The following KATNAL2 variants were observed in gnomAD, a reference collection of about 807,000 sequenced individuals.
The protein encoded by KATNAL2 is katanin catalytic subunit A1 like 2, also known as katanin p60 ATPase-containing subunit A-like 2.
A neutral mutation model predicts 76.3 loss-of-function variants in KATNAL2; 52 were observed. That is an observed-to-expected ratio of 0.68 (90% CI 0.55 to 0.86). KATNAL2 has a LOEUF of 0.86. Among genes scored for constraint, KATNAL2 ranks in the 40% least tolerant of loss-of-function variants. The pLI is 0.00. For missense variants in KATNAL2, 660 were observed against 668.9 expected, an observed-to-expected ratio of 0.99 and a Z score of 0.15; for synonymous variants, 243 against 244.2, an observed-to-expected ratio of 1.00 and a Z score of 0.05.
At chr18:47,081,688 G>C (rs966036245) in intron 15 of KATNAL2, among the ~76,000 whole-genome samples, 1 of 152,154 alleles carries the variant, frequency 6.6e-6, no homozygotes, top group African/African-American at 2.4e-5. Flanking sequence ...CTTCAAGTTG[G>C]GGGTTCTGTT....
In KATNAL2 at chr18:47,099,231, GT is replaced by G. The variant is rs2063372830; in HGVS notation, c.1212-11del. ...GCAGCCCTGTCCAGCTCCATTTCTG[GT>G]GTGATTTCAGGGAGCTGGACTGTGC... On this transcript the variant is annotated splice_polypyrimidine_tract_variant and intron_variant, in intron 15 of 17. Coordinates refer to ENST00000683218, the MANE Select transcript of KATNAL2 (RefSeq NM_001387690.1). 1.2e-6 allele frequency: 2 copies of G among 1,601,790 alleles called. No individual in the cohort carries two copies. Among genetic ancestry groups the G allele is most frequent in the Non-Finnish European group, 1.7e-6 (2 of 1,172,656 alleles).
At chr18:47,070,048 G>A (rs2061940930) in intron 13 of KATNAL2, among the ~76,000 whole-genome samples, 1 of 151,046 alleles carries the variant, frequency 6.6e-6, no homozygotes, top group African/African-American at 2.4e-5. Flanking sequence ...CAGATGTTCT[G>A]AGCACCTTTG....
rs35852657 is a variant in KATNAL2 at position 47,087,752 on chromosome 18, C to CTGTGTG, written c.1211+10317_1211+10322dup. On this transcript the variant is annotated intron_variant, in intron 15 of 17. Coordinates refer to ENST00000683218, the MANE Select transcript of KATNAL2 (RefSeq NM_001387690.1). The stretch of plus-strand genomic sequence containing the variant: ...TAAGTCTCTCCAAACTCTTTTACAT[C>CTGTGTG]TGTGTGTGTGTGTGTGTGTGTGTGT... Among the ~76,000 whole-genome samples, 1,161 of 148,540 alleles carry CTGTGTG rather than the reference C, an allele frequency of 7.8e-3. 7 individuals carry two copies. Among genetic ancestry groups the CTGTGTG allele is most frequent in the African/African-American group, 0.02 (808 of 40,480 alleles).
At chr18:47,094,275 C>CA (rs1568024955) in intron 15 of KATNAL2, among the ~76,000 whole-genome samples, 1 of 152,134 alleles carries the variant, frequency 6.6e-6, no homozygotes, top group South Asian at 2.1e-4. Flanking sequence ...TCCAAAATGA[C>CA]AATTATGAAA....
chr18:47,033,263 C>T (rs1455365305), intron 3 of KATNAL2: 2 of 1,613,550 alleles, frequency 1.2e-6, no homozygotes, highest in South Asian at 1.1e-5. Context: ...TCCCCATTTT[C>T]GGGGTCAGCG....
rs370318400 is a variant in KATNAL2 at position 47,058,245 on chromosome 18, G to A, written c.343G>A (p.Asp115Asn). The part of the protein sequence containing the change: ...SRGKTRRMMN[D>N]SCQNLPKINQ... ...TGTTCCCTCCCTTAGGATGATGAAC[G>A]ACAGTTGTCAAAATCTTCCCAAGAT... Residue 115 changes from aspartate (D) to asparagine (N), a missense_variant, in exon 7 of 18, where the codon GAC (aspartate) becomes AAC (asparagine). Coordinates refer to ENST00000683218, the MANE Select transcript of KATNAL2 (RefSeq NM_001387690.1). 1.3e-5 allele frequency: 21 copies of A among 1,612,318 alleles called. No individual in the cohort carries two copies. Among genetic ancestry groups the A allele is most frequent in the African/African-American group, 8.0e-5 (6 of 74,864 alleles).
chr18:47,037,252 T>A (rs2060810626), intron 3 of KATNAL2, among the ~76,000 whole-genome samples: 2 of 152,222 alleles, frequency 1.3e-5, no homozygotes, highest in Non-Finnish European at 2.9e-5. Context: ...CTGGGAATGA[T>A]ATTCAATGCT....
intron 3 of KATNAL2, chr18:47,035,069 C>T: frequency 1.9e-6 from 3 of 1,610,588 alleles, no homozygotes; most frequent in Non-Finnish European, 2.5e-6. Flanking sequence ...AAGTCTCTGG[C>T]AAAGTCGCCC....
At chr18:47,094,989 G>T (rs1033864664) in intron 15 of KATNAL2, among the ~76,000 whole-genome samples, 1 of 152,124 alleles carries the variant, frequency 6.6e-6, no homozygotes, top group African/African-American at 2.4e-5. Flanking sequence ...GGTAGAAGAA[G>T]ATACTGCCAA....
At chr18:47,033,330 T>C in intron 3 of KATNAL2, 1 of 1,613,868 alleles carries the variant, frequency 6.2e-7, no homozygotes, top group Non-Finnish European at 8.5e-7. Context: ...TGGCCACAGA[T>C]TTGAAACAGA....
chr18:47,074,098 C>T (rs375975428), intron 13 of KATNAL2, among the ~76,000 whole-genome samples: 17 of 152,112 alleles, frequency 1.1e-4, no homozygotes, highest in Admixed American at 3.3e-4. Flanking sequence ...GTGACAAGGA[C>T]GGAAAGTTAT....
At chr18:47,080,715 T>TA (rs2062467834) in intron 15 of KATNAL2, among the ~76,000 whole-genome samples, 1 of 152,272 alleles carries the variant, frequency 6.6e-6, no homozygotes, top group Non-Finnish European at 1.5e-5. Context: ...CTTGTTATTA[T>TA]ATGTCTCTTT....
chr18:46,951,504 C>T (rs576884195), intron 3 of KATNAL2, among the ~76,000 whole-genome samples: 9 of 143,320 alleles, frequency 6.3e-5, no homozygotes, highest in African/African-American at 2.3e-4. Flanking sequence ...TACTATACAG[C>T]TTTTTTTTTT....
chr18:47,082,078 G>T (rs539675238), intron 15 of KATNAL2, among the ~76,000 whole-genome samples: 68 of 152,146 alleles, frequency 4.5e-4, no homozygotes, highest in African/African-American at 1.5e-3. Context: ...TACTGCATAT[G>T]TGTGTATATC....
chr18:47,041,990 G>A (rs2060980962), intron 3 of KATNAL2, among the ~76,000 whole-genome samples: 1 of 151,880 alleles, frequency 6.6e-6, no homozygotes, highest in Non-Finnish European at 1.5e-5. Flanking sequence ...GTTACCATCT[G>A]TATATCTTCT....
At chr18:46,954,788 C>T (rs1263162241) in intron 3 of KATNAL2, among the ~76,000 whole-genome samples, 1 of 152,008 alleles carries the variant, frequency 6.6e-6, no homozygotes, top group African/African-American at 2.4e-5. Context: ...GGACTACAGG[C>T]GTATGCCACC....
At chr18:46,942,594 C>G (rs1323860177) in intron 1 of KATNAL2, among the ~76,000 whole-genome samples, 1 of 152,092 alleles carries the variant, frequency 6.6e-6, no homozygotes, top group Non-Finnish European at 1.5e-5. Context: ...AGACTCCAGC[C>G]TGGCAACAGA....
In KATNAL2 at chr18:47,077,378, G is replaced by GC; in HGVS notation, c.1128_1129insC (p.Lys377GlnfsTer25). 1 of 1,613,930 alleles carries GC rather than the reference G, an allele frequency of 6.2e-7. No homozygotes were observed. Among genetic ancestry groups the GC allele is most frequent in the Non-Finnish European group, 8.5e-7 (1 of 1,179,806 alleles). On this transcript the variant is annotated frameshift_variant, in exon 15 of 18. Coordinates refer to ENST00000683218, the MANE Select transcript of KATNAL2 (RefSeq NM_001387690.1). LOFTEE classifies it high-confidence loss of function. ...GAGAACATGAAGGAAGCCTGCGGAT[G>GC]AAGACAGAGTTACTGGTGCAGATGG...
chr18:46,923,331 T>C lies in KATNAL2; in HGVS notation c.-510+5405T>C, dbSNP rs537521337. On this transcript the variant is annotated intron_variant, in intron 1 of 17. Coordinates refer to ENST00000683218, the MANE Select transcript of KATNAL2 (RefSeq NM_001387690.1). ...TGAGAACATGTGGTGTTTGGTTTTT[T>C]GTCCTTGCGATAGTTTGCTGAGAAT... Among the ~76,000 whole-genome samples the C allele has an allele frequency of 3.3e-5, 5 of 151,772 alleles. No homozygotes were observed. In the East Asian group the frequency reaches 5.8e-4, roughly 18 times the overall value.
Sources: allele counts gnomAD v4.1 joint callset (sites outside exome capture counted in the v4.1 genomes callset), GRCh38; gene constraint gnomAD v4.1.1; transcripts MANE v1.5; gene names NCBI Gene and HGNC (gene_info 2026-07-23, HGNC 2026-07-21).